BBOX1: variants seen among roughly 807,000 people sequenced by gnomAD.
BBOX1 encodes the protein gamma-butyrobetaine hydroxylase 1.
Under a neutral mutation model 41.6 loss-of-function variants are expected in BBOX1, and 35 were observed. The observed-to-expected ratio is 0.84, with a 90% CI of 0.64 to 1.11. The LOEUF (loss-of-function observed/expected upper bound fraction) is 1.11. Among genes scored for constraint, BBOX1 ranks in the 50% most tolerant of loss-of-function variants. The pLI is 0.00. For missense variants in BBOX1, 458 were observed against 460.6 expected (o/e 0.99, Z 0.05); for synonymous variants, 163 against 154.7 (o/e 1.05, Z -0.40).
In BBOX1 at chr11:27,055,581, CGGAAACTTCTAGT is replaced by C; in HGVS notation, c.156_168del (p.Val55MetfsTer2). On this transcript the variant is annotated frameshift_variant, in exon 3 of 9. Transcript: ENST00000263182. LOFTEE classifies it high-confidence loss of function. ...TTGCTACCTGGATTCTGCAAAAGCA[CGGAAACTTCTAGT>C]GGAAGCTCTTGATGTGAACATTGGA... 6.2e-7 allele frequency: 1 copy of C among 1,614,036 alleles called. No homozygotes were observed. The highest frequency in any genetic ancestry group is 8.5e-7 in the Non-Finnish European group (1 of 1,179,998).
intron 5 of BBOX1, among the ~76,000 whole-genome samples, chr11:27,114,607 C>G (rs767342811): frequency 1.1e-4 from 17 of 151,664 alleles, no homozygotes; most frequent in Non-Finnish European, 2.5e-4. Flanking sequence ...CATCTATGGC[C>G]AATCAATTAT....
intron 4 of BBOX1, among the ~76,000 whole-genome samples, chr11:27,062,524 C>A (rs1380434705): frequency 6.6e-6 from 1 of 152,042 alleles, no homozygotes; most frequent in Non-Finnish European, 1.5e-5. Flanking sequence ...CATAACTTCT[C>A]AAATGCCTAC....
chr11:27,063,642 G>A (rs573589732), intron 4 of BBOX1, among the ~76,000 whole-genome samples: 1 of 145,522 alleles, frequency 6.9e-6, no homozygotes, highest in South Asian at 2.2e-4. Flanking sequence ...CAGGGATGGA[G>A]TACATTGCAC....
chr11:27,047,833 A>C (rs1388548587), intron 2 of BBOX1, among the ~76,000 whole-genome samples: 1 of 152,062 alleles, frequency 6.6e-6, no homozygotes, highest in East Asian at 1.9e-4. Flanking sequence ...TAAGTGGCAT[A>C]AAGAAAGCAT....
chr11:27,046,197 T>C (rs1187359210), intron 2 of BBOX1: 1 of 152,098 alleles, frequency 6.6e-6, no homozygotes, highest in Admixed American at 6.6e-5. Flanking sequence ...CCAAGATCAA[T>C]GCATAAAATA....
At chr11:27,071,444 G>A (rs1366952851) in intron 4 of BBOX1, among the ~76,000 whole-genome samples, 1 of 151,668 alleles carries the variant, frequency 6.6e-6, no homozygotes, top group Non-Finnish European at 1.5e-5. Context: ...AGGTGATATT[G>A]TTTGGCTCTG....
intron 5 of BBOX1, among the ~76,000 whole-genome samples, chr11:27,108,127 C>T (rs1858931271): frequency 1.3e-5 from 2 of 152,094 alleles, no homozygotes; most frequent in Non-Finnish European, 2.9e-5. Context: ...TTATTATTCC[C>T]TGCCAGTTAG....
intron 6 of BBOX1, among the ~76,000 whole-genome samples, chr11:27,117,224 A>G (rs1335330111): frequency 1.3e-5 from 2 of 151,958 alleles, no homozygotes; most frequent in African/African-American, 4.8e-5. Flanking sequence ...TAAGTTAACA[A>G]AGGAGAATGG....
intron 5 of BBOX1, among the ~76,000 whole-genome samples, chr11:27,111,185 C>A (rs565342148): frequency 6.6e-6 from 1 of 151,954 alleles, no homozygotes; most frequent in East Asian, 1.9e-4. Flanking sequence ...AGAACAAAAT[C>A]ACAGCCTTTG....
At position 27,127,323 on chromosome 11, in the gene BBOX1, T is replaced by C. The variant is rs1564995710; in HGVS notation, c.1034T>C (p.Leu345Ser). 2.5e-6 allele frequency: 4 copies of C among 1,614,092 alleles called. No homozygotes were observed. The highest frequency in any genetic ancestry group is 3.4e-6 in the Non-Finnish European group (4 of 1,180,000). ...GDVITFDNWRLLHGRRSYEAG... is the reference protein window; with the variant it reads ...GDVITFDNWRSLHGRRSYEAG... ...GTGATTACTTTTGATAACTGGCGCTTACTTCATGGCCGACGTAGCTATGAA... is the reference window on the plus strand; with the variant it reads ...GTGATTACTTTTGATAACTGGCGCTCACTTCATGGCCGACGTAGCTATGAA... Residue 345 changes from leucine to serine, a missense_variant, in exon 9 of 9, where the codon TTA becomes TCA. Physicochemically the swap from Leu to Ser is moderately radical, Grantham distance 145. Transcript: ENST00000263182.
intron 4 of BBOX1, among the ~76,000 whole-genome samples, chr11:27,067,046 T>TAA (rs1357208643): frequency 6.6e-6 from 1 of 152,146 alleles, no homozygotes; most frequent in African/African-American, 2.4e-5. Flanking sequence ...ACAACAGATA[T>TAA]AATAATAGTA....
chr11:27,084,662 GACAGAAGGTCCTAA>G (rs2134022806), intron 4 of BBOX1, among the ~76,000 whole-genome samples: 1 of 152,224 alleles, frequency 6.6e-6, no homozygotes, highest in African/African-American at 2.4e-5. Flanking sequence ...AGTGCAGGTG[GACAGAAGGTCCTAA>G]ACTCTTGAAA....
At chr11:27,050,237 C>T (rs1054938348) in intron 2 of BBOX1, among the ~76,000 whole-genome samples, 1 of 151,968 alleles carries the variant, frequency 6.6e-6, no homozygotes, top group African/African-American at 2.4e-5. Context: ...CAATACCATG[C>T]TGTTTTGATT....
intron 8 of BBOX1, among the ~76,000 whole-genome samples, chr11:27,126,871 T>C (rs1859678257): frequency 6.6e-6 from 1 of 152,030 alleles, no homozygotes. Context: ...AGACAGGGTT[T>C]CACCATGTTA....
intron 5 of BBOX1, among the ~76,000 whole-genome samples, chr11:27,102,710 T>C (rs1467469840): frequency 5.3e-5 from 8 of 152,108 alleles, no homozygotes; most frequent in Non-Finnish European, 7.3e-5. Context: ...TTTTCTGAAG[T>C]CCATTCTCTC....
At chr11:27,098,662 T>C (rs761127734) in intron 5 of BBOX1, among the ~76,000 whole-genome samples, 16 of 152,082 alleles carry the variant, frequency 1.1e-4, no homozygotes, top group Middle Eastern at 3.4e-3. Flanking sequence ...ACTCAAACCC[T>C]GAAAATTCCT....
intron 4 of BBOX1, among the ~76,000 whole-genome samples, chr11:27,071,508 C>T (rs905081279): frequency 1.3e-5 from 2 of 152,024 alleles, no homozygotes; most frequent in African/African-American, 2.4e-5. Flanking sequence ...GAGGAGAGGC[C>T]TGGTGGGAGG....
chr11:27,102,289 T>C (rs1018530601), intron 5 of BBOX1, among the ~76,000 whole-genome samples: 5 of 151,988 alleles, frequency 3.3e-5, no homozygotes, highest in African/African-American at 9.7e-5. Flanking sequence ...AAAAGTGAGG[T>C]TTGTGTTTGT....
At chr11:27,062,277 C>G (rs1292087487) in intron 4 of BBOX1, among the ~76,000 whole-genome samples, 1 of 152,144 alleles carries the variant, frequency 6.6e-6, no homozygotes, top group East Asian at 1.9e-4. Context: ...AAGGAAGGGG[C>G]CAAACCATGA....
Sources: gnomAD v4.1 joint callset for allele counts (sites outside exome capture counted in the v4.1 genomes callset) on GRCh38, gnomAD v4.1.1 for gene constraint, MANE v1.5 for transcripts, NCBI Gene and HGNC (gene_info 2026-07-23, HGNC 2026-07-21) for gene names.